Variants in WWOX observed in about 807,000 individuals in gnomAD.
The protein encoded by WWOX is WW domain containing oxidoreductase, also known as WW domain-containing oxidoreductase.
In WWOX, 69 loss-of-function variants were observed where a neutral mutation model predicts 46.2. The ratio of observed to expected loss-of-function variants is 1.49; its 90% CI spans 1.23 to 1.82. The LOEUF (loss-of-function observed/expected upper bound fraction) is 1.82. Ranked by LOEUF, WWOX falls within the 40% of genes most tolerant of loss-of-function variation. WWOX has a pLI of 0.00. For synonymous variants in WWOX, 359 were observed against 202.6 expected, an observed-to-expected ratio of 1.77 and a Z score of -6.56; for missense variants, 919 against 542.6, an observed-to-expected ratio of 1.69 and a Z score of -6.89.
chr16:78,563,963 T>G (rs1210324173), intron 8 of WWOX, among the ~76,000 whole-genome samples: 1 of 152,170 alleles, frequency 6.6e-6, no homozygotes, highest in Non-Finnish European at 1.5e-5. Flanking sequence ...GAAACGTGCT[T>G]TTATGTTGGT....
At chr16:78,177,912 C>T (rs1429117918) in intron 5 of WWOX, among the ~76,000 whole-genome samples, 1 of 152,224 alleles carries the variant, frequency 6.6e-6, no homozygotes, top group East Asian at 1.9e-4. Flanking sequence ...AGAACTTTAA[C>T]GTCCATCCAC....
At chr16:78,357,389 C>G (rs2081318664) in intron 5 of WWOX, among the ~76,000 whole-genome samples, 1 of 152,174 alleles carries the variant, frequency 6.6e-6, no homozygotes, top group East Asian at 1.9e-4. Flanking sequence ...TTGCTTCTCC[C>G]TGCATAGCCA....
chr16:78,797,417 C>G (rs1225329216), intron 8 of WWOX, among the ~76,000 whole-genome samples: 1 of 145,808 alleles, frequency 6.9e-6, no homozygotes, highest in Admixed American at 6.9e-5. Flanking sequence ...CCGACAGGTA[C>G]GAGCTTGTAG....
chr16:79,121,052 A>T (rs905938888), intron 8 of WWOX, among the ~76,000 whole-genome samples: 2 of 152,178 alleles, frequency 1.3e-5, no homozygotes, highest in Non-Finnish European at 2.9e-5. Context: ...TACAGGCGTG[A>T]GTCACCATGC....
At chr16:78,615,037 T>C (rs1315628412) in intron 8 of WWOX, among the ~76,000 whole-genome samples, 1 of 152,194 alleles carries the variant, frequency 6.6e-6, no homozygotes, top group Non-Finnish European at 1.5e-5. Flanking sequence ...GTAGGGCTAA[T>C]GCATTGTCAA....
chr16:78,511,051 A>G (rs1249880277), intron 8 of WWOX, among the ~76,000 whole-genome samples: 2 of 152,226 alleles, frequency 1.3e-5, no homozygotes, highest in Non-Finnish European at 2.9e-5. Flanking sequence ...TGCCTGGTTC[A>G]TACTGCGTGT....
At chr16:78,799,519 C>T (rs1189312943) in intron 8 of WWOX, among the ~76,000 whole-genome samples, 1 of 152,138 alleles carries the variant, frequency 6.6e-6, no homozygotes, top group Non-Finnish European at 1.5e-5. Context: ...CATCACATGT[C>T]ATTTTAGACC....
At chr16:78,505,068 C>A (rs1173285486) in intron 8 of WWOX, among the ~76,000 whole-genome samples, 1 of 152,012 alleles carries the variant, frequency 6.6e-6, no homozygotes, top group Non-Finnish European at 1.5e-5. Flanking sequence ...TATTATTGTT[C>A]CTGAATTTTT....
intron 8 of WWOX, among the ~76,000 whole-genome samples, chr16:78,927,664 A>C (rs2151276912): frequency 6.6e-6 from 1 of 152,300 alleles, no homozygotes; most frequent in South Asian, 2.1e-4. Flanking sequence ...AAGGTAATTA[A>C]GGCATAATTA....
chr16:79,058,784 C>G (rs564488717), intron 8 of WWOX, among the ~76,000 whole-genome samples: 27 of 152,304 alleles, frequency 1.8e-4, no homozygotes, highest in African/African-American at 5.3e-4. Context: ...TTATTCTATA[C>G]TAACAAAGGG....
At chr16:78,898,273 A>G (rs968619767) in intron 8 of WWOX, 7 of 152,260 alleles carry the variant, frequency 4.6e-5, no homozygotes, top group Admixed American at 3.9e-4. Flanking sequence ...CATAACTTCA[A>G]TCTTTACATT....
At position 78,424,959 on chromosome 16, in the gene WWOX, A is replaced by C. The variant is rs1199814060; in HGVS notation, c.695A>C (p.Asn232Thr). Residue 232 changes from asparagine (N) to threonine (T), a missense_variant, in exon 7 of 9, where the codon AAT (asparagine) becomes ACT (threonine). Asn to Thr is a moderately conservative substitution (Grantham distance 65, BLOSUM62 0). Coordinates refer to ENST00000566780, the MANE Select transcript of WWOX (RefSeq NM_016373.4). ...GGCCTGGAGACCACCTTTCAAGTGA[A>C]TCATCTGGGGCACTTCTACCTTGTC... ...KDGLETTFQV[N>T]HLGHFYLVQL... is the part of the protein sequence containing the mutation. 2 of 1,614,094 alleles carry C rather than the reference A, an allele frequency of 1.2e-6. No individual in the cohort carries two copies. The highest frequency in any genetic ancestry group is 1.1e-5 in the South Asian group (1 of 91,064).
intron 8 of WWOX, among the ~76,000 whole-genome samples, chr16:78,852,579 C>G (rs906210285): frequency 2.0e-5 from 3 of 152,082 alleles, no homozygotes; most frequent in Admixed American, 2.0e-4. Flanking sequence ...TTAGGAGACA[C>G]CCAAGTCAAA....
At chr16:79,070,965 C>T (rs754974201) in intron 8 of WWOX, among the ~76,000 whole-genome samples, 1 of 152,134 alleles carries the variant, frequency 6.6e-6, no homozygotes, top group East Asian at 1.9e-4. Flanking sequence ...CTTACTATGT[C>T]CCTCCCTACC....
chr16:78,241,125 C>T (rs1239914937), intron 5 of WWOX: 1 of 152,232 alleles, frequency 6.6e-6, no homozygotes, highest in East Asian at 1.9e-4. Flanking sequence ...GCAGTACCCC[C>T]ATTGTACAGA....
chr16:78,923,661 A>G (rs528548108), intron 8 of WWOX, among the ~76,000 whole-genome samples: 39 of 152,140 alleles, frequency 2.6e-4, no homozygotes, highest in African/African-American at 9.2e-4. Context: ...GCTTTTTCCT[A>G]TTGGAAAAAA....
At chr16:79,080,169 A>G (rs2048733250) in intron 8 of WWOX, among the ~76,000 whole-genome samples, 1 of 152,184 alleles carries the variant, frequency 6.6e-6, no homozygotes, top group Admixed American at 6.5e-5. Flanking sequence ...GTGATGATGC[A>G]TCAGGATACC....
chr16:78,553,667 C>T (rs528584441), intron 8 of WWOX, among the ~76,000 whole-genome samples: 10 of 152,232 alleles, frequency 6.6e-5, no homozygotes, highest in East Asian at 3.9e-4. Flanking sequence ...CCAATATACA[C>T]GGCTCAAAGT....
intron 8 of WWOX, among the ~76,000 whole-genome samples, chr16:78,863,487 A>G (rs970922779): frequency 3.3e-5 from 5 of 152,194 alleles, no homozygotes; most frequent in Non-Finnish European, 7.3e-5. Context: ...AGAGTCACCA[A>G]TGGACCACTG....
Sources: allele counts gnomAD v4.1 joint callset (sites outside exome capture counted in the v4.1 genomes callset), GRCh38; gene constraint gnomAD v4.1.1; transcripts MANE v1.5; gene names NCBI Gene and HGNC (gene_info 2026-07-23, HGNC 2026-07-21).